Variants in PRELID2 observed in about 807,000 individuals in gnomAD.
The protein encoded by PRELID2 is PRELI domain-containing protein 2.
Under a neutral mutation model 28.4 loss-of-function variants are expected in PRELID2, and 25 were observed. The observed-to-expected ratio is 0.88, with a 90% CI of 0.64 to 1.23. The LOEUF (loss-of-function observed/expected upper bound fraction) is 1.23, where lower values mean the gene tolerates loss of function less well. Ranked by LOEUF, PRELID2 falls within the 50% of genes most tolerant of loss-of-function variation. PRELID2 has a pLI of 0.00. For synonymous variants in PRELID2, 76 were observed against 71.6 expected (o/e 1.06, Z -0.31); for missense variants, 201 against 214.4 (o/e 0.94, Z 0.39).
intron 1 of PRELID2, among the ~76,000 whole-genome samples, chr5:145,491,064 A>G (rs1463770447): frequency 2.6e-5 from 4 of 152,048 alleles, no homozygotes; most frequent in African/African-American, 9.7e-5. Flanking sequence ...AACAATTACA[A>G]TTTAATGTAT....
At chr5:145,298,248 C>T in the PRELID2 span, among the ~76,000 whole-genome samples, 2 of 152,164 alleles carry the variant, frequency 1.3e-5, no homozygotes, top group Non-Finnish European at 2.9e-5. Context: ...ATCAAAACAG[C>T]ATGGTACTGG....
At chr5:145,282,723 T>C in the PRELID2 span, among the ~76,000 whole-genome samples, 1 of 152,264 alleles carries the variant, frequency 6.6e-6, no homozygotes, top group Middle Eastern at 3.4e-3. Context: ...TTCACCATTT[T>C]GACCAGGCTG....
At chr5:145,343,635 C>A in the PRELID2 span, among the ~76,000 whole-genome samples, 1 of 151,232 alleles carries the variant, frequency 6.6e-6, no homozygotes, top group Admixed American at 6.6e-5. Context: ...AAACCATACC[C>A]AAAATTAGCA....
intron 1 of PRELID2, among the ~76,000 whole-genome samples, chr5:145,743,402 A>G (rs1218399961): frequency 8.1e-6 from 1 of 123,976 alleles, no homozygotes; most frequent in African/African-American, 3.1e-5. Context: ...TGAGAGTGAA[A>G]CTCTGCGGCA....
chr5:145,420,546 T>G, the PRELID2 span, among the ~76,000 whole-genome samples: 2 of 142,096 alleles, frequency 1.4e-5, no homozygotes, highest in Non-Finnish European at 3.1e-5. Context: ...CTGTTATTGG[T>G]GTATAAGAAT....
rs1006334271 is a variant in PRELID2, at chr5:145,760,288, T to C, written c.*248A>G. The C allele has an allele frequency of 9.9e-5, 15 of 152,106 alleles. No homozygotes were observed. The highest frequency in any genetic ancestry group is 3.6e-4 in the African/African-American group (15 of 41,422). 9.4% of individuals were successfully genotyped at this position (152,106 alleles called of 1,614,324 possible). A position where few individuals can be genotyped will look rare whatever the true frequency, so the allele number is the denominator to read the frequency against. ...CTTTATTTGTAAAATTATAAAGAGA[T>C]TGTGTCATAAAAATCCAGCAAGAAG... On this transcript the variant is annotated 3_prime_UTR_variant, in exon 7 of 7. Transcript: ENST00000683046.
the PRELID2 span, among the ~76,000 whole-genome samples, chr5:145,364,421 G>A: frequency 6.6e-6 from 1 of 151,942 alleles, no homozygotes; most frequent in Non-Finnish European, 1.5e-5. Context: ...TTGAATTAAT[G>A]TACCTTTAAA....
intron 1 of PRELID2, among the ~76,000 whole-genome samples, chr5:145,707,901 G>T (rs1383580744): frequency 1.3e-5 from 2 of 152,174 alleles, no homozygotes; most frequent in Non-Finnish European, 2.9e-5. Flanking sequence ...CACCCAGCAT[G>T]CTGCGTGACC....
At chr5:145,828,643 G>A (rs1048903278) in intron 1 of PRELID2, among the ~76,000 whole-genome samples, 1 of 151,936 alleles carries the variant, frequency 6.6e-6, no homozygotes, top group Non-Finnish European at 1.5e-5. Flanking sequence ...AAAGACAACT[G>A]TTTCTAAATA....
chr5:145,635,411 A>T (rs544071942), intron 1 of PRELID2, among the ~76,000 whole-genome samples: 14 of 152,288 alleles, frequency 9.2e-5, no homozygotes, highest in Non-Finnish European at 1.8e-4. Context: ...ATAATATTTA[A>T]TATAATATAT....
chr5:145,359,609 C>T, the PRELID2 span, among the ~76,000 whole-genome samples: 2 of 152,178 alleles, frequency 1.3e-5, no homozygotes, highest in Non-Finnish European at 2.9e-5. Context: ...CCATTTGCTC[C>T]TCTACTATCG....
chr5:145,295,871 A>G, the PRELID2 span, among the ~76,000 whole-genome samples: 1 of 152,302 alleles, frequency 6.6e-6, no homozygotes, highest in Non-Finnish European at 1.5e-5. Context: ...GAAAAAGAGA[A>G]TCAAAGGGAT....
chr5:145,501,699 T>C (rs573559372), intron 1 of PRELID2, among the ~76,000 whole-genome samples: 1 of 152,278 alleles, frequency 6.6e-6, no homozygotes, highest in South Asian at 2.1e-4. Context: ...TCTTTATAAA[T>C]TACCCAGTCT....
the PRELID2 span, among the ~76,000 whole-genome samples, chr5:145,385,195 T>C: frequency 3.9e-5 from 6 of 152,224 alleles, no homozygotes; most frequent in Non-Finnish European, 7.3e-5. Flanking sequence ...TTTAAAATTT[T>C]TTAAATGTAT....
chr5:145,484,755 C>T (rs181232291), intron 1 of PRELID2, among the ~76,000 whole-genome samples: 13 of 152,314 alleles, frequency 8.5e-5, no homozygotes, highest in African/African-American at 2.9e-4. Flanking sequence ...AAAACTACCT[C>T]TTTTAGCCAA....
At chr5:145,309,361 G>A in the PRELID2 span, among the ~76,000 whole-genome samples, 1 of 152,124 alleles carries the variant, frequency 6.6e-6, no homozygotes, top group Non-Finnish European at 1.5e-5. Flanking sequence ...AAGGCACTGG[G>A]GTTTGTTTGA....
chr5:145,707,068 T>C (rs1471351598), intron 1 of PRELID2, among the ~76,000 whole-genome samples: 5 of 152,218 alleles, frequency 3.3e-5, no homozygotes, highest in Non-Finnish European at 7.3e-5. Flanking sequence ...AATGAGGACG[T>C]GAAAAAATTT....
chr5:145,681,914 C>T (rs1325635567), intron 1 of PRELID2, among the ~76,000 whole-genome samples: 1 of 152,210 alleles, frequency 6.6e-6, no homozygotes, highest in African/African-American at 2.4e-5. Context: ...TTAGAAATGG[C>T]TTTCAAGTGC....
intron 1 of PRELID2, among the ~76,000 whole-genome samples, chr5:145,650,661 A>C (rs1297072927): frequency 6.7e-6 from 1 of 150,346 alleles, no homozygotes. Context: ...AAAAAAAAGT[A>C]ATTTTACTTA....
Sources: gnomAD v4.1 joint callset for allele counts (sites outside exome capture counted in the v4.1 genomes callset) on GRCh38, gnomAD v4.1.1 for gene constraint, MANE v1.5 for transcripts, NCBI Gene and HGNC (gene_info 2026-07-23, HGNC 2026-07-21) for gene names.